Variants in ZBTB45 observed in about 807,000 individuals in gnomAD.
ZBTB45 encodes the protein zinc finger and BTB domain containing 45.
Under a neutral mutation model 28.4 loss-of-function variants are expected in ZBTB45, and 22 were observed. The ratio of observed to expected loss-of-function variants is 0.77; its 90% CI spans 0.55 to 1.10. The LOEUF is 1.10. ZBTB45 is among the 50% of genes least tolerant of loss of function. The probability of loss-of-function intolerance (pLI) is 0.00; values close to 1 mark genes in which losing one functional copy is unlikely to be tolerated. For synonymous variants in ZBTB45, 361 were observed against 332.3 expected (o/e 1.09, Z -0.94); for missense variants, 656 against 750.2 (o/e 0.87, Z 1.47).
chr19:58,516,582 G>C lies in ZBTB45; in HGVS notation c.1092C>G (p.Leu364=), dbSNP rs781303885. ...GAGTACTGGGGGCTGCCTCGGGCTG[G>C]AGTGTGGGGTAGAAGGCGGGTGGGG... The part of the protein sequence containing the change: ...PAPPPAFYPT[L]QPEAAPSTQL... Residue 364 remains leucine (L), a synonymous_variant, in exon 2 of 3, where the codon CTC becomes CTG. Transcript: ENST00000594051. This position sits in a 1 kb window ranked among gnomAD's most constrained non-coding sequence, Gnocchi z 6.2. 1.3e-6 allele frequency: 2 copies of C among 1,583,838 alleles called. No homozygotes were observed. The highest frequency in any genetic ancestry group is 1.3e-5 in the African/African-American group (1 of 74,432).
chr19:58,516,258 G>T lies in ZBTB45; in HGVS notation c.1279+137C>A. 8.8e-7 allele frequency: 1 copy of T among 1,134,630 alleles called. No individual in the cohort carries two copies. Among genetic ancestry groups the T allele is most frequent in the Non-Finnish European group, 1.2e-6 (1 of 803,180 alleles). The allele number at this position is 1,134,630 out of a possible 1,614,324, so 70.3% of individuals were successfully genotyped here. On this transcript the variant is annotated intron_variant, in intron 2 of 2. Coordinates refer to ENST00000594051, the MANE Select transcript of ZBTB45 (RefSeq NM_001316979.2). The surrounding 1 kb of genome is among the most constrained non-coding windows in gnomAD (Gnocchi z 6.2). ...TCCCCCACATACCTTGCACTTGGGG[G>T]AAGGCTCAATTTCTAGGCCCCCTGC...
chr19:58,515,137 G>A lies in ZBTB45; in HGVS notation c.1280-827C>T, dbSNP rs746993861. Among the ~76,000 whole-genome samples the A allele has an allele frequency of 1.3e-5, 2 of 151,984 alleles. No individual in the cohort carries two copies. The highest frequency in any genetic ancestry group is 2.9e-5 in the Non-Finnish European group (2 of 67,982). On this transcript the variant is annotated intron_variant, in intron 2 of 2. Transcript: ENST00000594051. This position sits in a 1 kb window ranked among gnomAD's most constrained non-coding sequence, Gnocchi z 4.7. ...GCCAGGAGTTCGAGACCAACGTGGT[G>A]AAACCCCATCTCTACTAAAAATACA... is the stretch of plus-strand genomic sequence containing the variant.
chr19:58,536,136 G>T (rs1288890245), intron 1 of ZBTB45, among the ~76,000 whole-genome samples: 1 of 151,750 alleles, frequency 6.6e-6, no homozygotes, highest in Non-Finnish European at 1.5e-5. Context: ...GGAGTGCAGT[G>T]CCTGGCCAAC....
At chr19:58,521,397 A>G (rs1432397205), upstream of ZBTB45, among the ~76,000 whole-genome samples, 5 of 151,450 alleles carry the variant, frequency 3.3e-5, no homozygotes, top group African/African-American at 4.8e-5. Context: ...AAGAAAGAAA[A>G]GAAAACAGAC....
At chr19:58,530,365 T>C (rs993886860) in intron 1 of ZBTB45, among the ~76,000 whole-genome samples, 1 of 152,082 alleles carries the variant, frequency 6.6e-6, no homozygotes. Flanking sequence ...TGGAGTGCAA[T>C]GGCATGATCT....
upstream of ZBTB45, chr19:58,519,938 C>G (rs964529289): frequency 1.3e-5 from 2 of 152,308 alleles, no homozygotes; most frequent in Admixed American, 1.3e-4. Flanking sequence ...CGGCTCTCCT[C>G]TTAGTCGGAA....
chr19:58,526,977 C>T (rs191463325), intron 1 of ZBTB45, among the ~76,000 whole-genome samples: 2 of 152,192 alleles, frequency 1.3e-5, no homozygotes, highest in Admixed American at 1.3e-4. Context: ...ACAGTTGTGG[C>T]CCACCACACC....
intron 1 of ZBTB45, among the ~76,000 whole-genome samples, chr19:58,530,344 G>C (rs190910471): frequency 6.6e-6 from 1 of 151,832 alleles, no homozygotes; most frequent in Admixed American, 6.6e-5. Flanking sequence ...AATTTTGCTC[G>C]TTGCTCAGGC....
chr19:58,528,231 A>C (rs1046469243), intron 1 of ZBTB45, among the ~76,000 whole-genome samples: 8 of 152,188 alleles, frequency 5.3e-5, no homozygotes, highest in Middle Eastern at 3.4e-3. Flanking sequence ...AGACTAGGAC[A>C]CTTCCTGTTT....
In ZBTB45 at chr19:58,516,577, G is replaced by C; in HGVS notation, c.1097C>G (p.Pro366Arg). ...PPPAFYPTLQ[P>R]EAAPSTQLGE... ...CAGCTGAGTACTGGGGGCTGCCTCG[G>C]GCTGGAGTGTGGGGTAGAAGGCGGG... is the stretch of plus-strand genomic sequence containing the variant. Residue 366 changes from proline (P) to arginine (R), a missense_variant, in exon 2 of 3, where the codon CCC becomes CGC. Pro to Arg is a moderately radical substitution (Grantham distance 103). Around this residue, in one of 3 missense-constraint regions of ZBTB45, gnomAD observed 448 missense variants for 444.3 expected, o/e 1.01. Transcript: ENST00000594051. This position sits in a 1 kb window ranked among gnomAD's most constrained non-coding sequence, Gnocchi z 6.2. 1 of 1,587,990 alleles carries C rather than the reference G, an allele frequency of 6.3e-7. No homozygotes were observed.
chr19:58,525,702 AAGGC>A (rs2053603532), intron 1 of ZBTB45, among the ~76,000 whole-genome samples: 2 of 152,372 alleles, frequency 1.3e-5, no homozygotes, highest in South Asian at 4.1e-4. Context: ...GCTGTTAACA[AAGGC>A]AGGTGGGGGC....
rs142545217 is a variant in ZBTB45 at position 58,527,595 on chromosome 19, A to C, written c.1-9922T>G. On this transcript the variant is annotated intron_variant, in intron 1 of 1. Transcript: ENST00000600130. ...TGAATTGTCTCTGGTCAGATGGTTC[A>C]GTGTTTTCCACTCAGGAGTGGCTAG... Among the ~76,000 whole-genome samples the C allele has an allele frequency of 3.8e-3, 574 of 152,232 alleles. 4 individuals carry two copies. The highest frequency in any genetic ancestry group is 0.013 in the African/African-American group (549 of 41,536).
At chr19:58,530,454 G>A (rs1187736409) in intron 1 of ZBTB45, among the ~76,000 whole-genome samples, 13 of 150,038 alleles carry the variant, frequency 8.7e-5, no homozygotes, top group Admixed American at 4.6e-4. Context: ...TTACAGGCAC[G>A]TGCCAACACG....
At chr19:58,526,748 G>T (rs560137795) in intron 1 of ZBTB45, among the ~76,000 whole-genome samples, 1,525 of 146,158 alleles carry the variant, frequency 0.01, 8 homozygotes, top group Non-Finnish European at 0.016. Flanking sequence ...AGCCGGGATG[G>T]TCTCGATCTC....
chr19:58,528,729 C>T (rs2053620631), intron 1 of ZBTB45, among the ~76,000 whole-genome samples: 1 of 152,102 alleles, frequency 6.6e-6, no homozygotes, highest in South Asian at 2.1e-4. Flanking sequence ...ACTGTCTCTA[C>T]TAAAATTACA....
upstream of ZBTB45, among the ~76,000 whole-genome samples, chr19:58,522,543 G>A (rs908444443): frequency 1.3e-5 from 2 of 151,984 alleles, no homozygotes; most frequent in Non-Finnish European, 2.9e-5. Context: ...GCGGAGGCAG[G>A]AGAATCGCTT....
intron 1 of ZBTB45, among the ~76,000 whole-genome samples, chr19:58,536,008 A>G (rs897875035): frequency 6.6e-6 from 1 of 152,150 alleles, no homozygotes; most frequent in Non-Finnish European, 1.5e-5. Flanking sequence ...CAGGTCTCCT[A>G]TGTGGCTGGA....
chr19:58,533,627 G>A, intron 1 of ZBTB45, among the ~76,000 whole-genome samples: 1 of 152,062 alleles, frequency 6.6e-6, no homozygotes, highest in Middle Eastern at 3.2e-3. Context: ...AGGAATCATA[G>A]TGATTCCAAA....
At chr19:58,514,840 C>T in intron 2 of ZBTB45, among the ~76,000 whole-genome samples, 1 of 152,142 alleles carries the variant, frequency 6.6e-6, no homozygotes, top group East Asian at 1.9e-4. Context: ...CTCAGTCTGA[C>T]AAGGCCAGTG....
Sources: allele counts gnomAD v4.1 joint callset (sites outside exome capture counted in the v4.1 genomes callset), GRCh38; gene constraint gnomAD v4.1.1; regional missense constraint gnomAD v4.1.1; non-coding constraint Gnocchi (gnomAD v3.1); transcripts MANE v1.5; gene names NCBI Gene and HGNC (gene_info 2026-07-23, HGNC 2026-07-21).